OR5D18: variants seen among roughly 807,000 people sequenced by gnomAD.
OR5D18 encodes the protein olfactory receptor 5D18.
For missense variants in OR5D18, 394 were observed against 367.3 expected, an observed-to-expected ratio of 1.07 and a Z score of -0.59; for synonymous variants, 158 against 152.5, an observed-to-expected ratio of 1.04 and a Z score of -0.27.
In OR5D18 at chr11:55,820,054, G is replaced by A. The variant is rs555906509; in HGVS notation, c.425G>A (p.Cys142Tyr). The A allele has an allele frequency of 5.2e-5, 84 of 1,613,902 alleles. No homozygotes were observed. In the South Asian group the frequency reaches 9.2e-4, roughly 18 times the overall value. The change falls in exon 1 of 1, where the codon TGC becomes TAC. Residue 142 changes from cysteine to tyrosine, a missense_variant. Coordinates refer to ENST00000333976, the MANE Select transcript of OR5D18 (RefSeq NM_001001952.1). ...LYTVNMSQKL[C>Y]VLLVVGSYAW... Reference sequence around the variant, plus strand: ...ACAGTTAACATGTCCCAGAAACTCTGCGTGCTGCTGGTTGTGGGATCCTAT... The same window carrying A: ...ACAGTTAACATGTCCCAGAAACTCTACGTGCTGCTGGTTGTGGGATCCTAT...
In OR5D18 at chr11:55,820,315, T is replaced by A. The variant is rs747662308; in HGVS notation, c.686T>A (p.Met229Lys). 3.1e-6 allele frequency: 5 copies of A among 1,613,894 alleles called. No homozygotes were observed. Among genetic ancestry groups the A allele is most frequent in the Non-Finnish European group, 4.2e-6 (5 of 1,180,036 alleles). The change falls in exon 1 of 1, where the codon ATG (methionine) becomes AAG (lysine). Residue 229 changes from methionine (M) to lysine (K), a missense_variant. Physicochemically the swap from Met to Lys is moderately conservative, Grantham distance 95 (BLOSUM62 -1). Coordinates refer to ENST00000333976, the MANE Select transcript of OR5D18 (RefSeq NM_001001952.1). ...TTCATTGTTGTAACCATCCTCAAGA[T>A]GCGTTCAGTCAGTGGGCGCCGCAAA... is the stretch of plus-strand genomic sequence containing the variant. ...YAFIVVTILK[M>K]RSVSGRRKAF... is the part of the protein sequence containing the mutation.
At position 55,819,702 on chromosome 11, in the gene OR5D18, C is replaced by T; in HGVS notation, c.73C>T (p.Gln25Ter). The T allele has an allele frequency of 6.2e-7, 1 of 1,613,550 alleles. No individual in the cohort carries two copies. The highest frequency in any genetic ancestry group is 8.5e-7 in the Non-Finnish European group (1 of 1,179,670). ...GGGCTTCTCAGATTACCCAGAACTG[C>T]AAGTCCCACTCTTCCTGGTTTTTCT... ...LLGFSDYPEL[Q>*]VPLFLVFLAI... Residue 25 changes from glutamine to a stop codon, truncating the protein, a stop_gained, in exon 1 of 1, where the codon CAA becomes TAA. Transcript: ENST00000333976. LOFTEE classifies it low-confidence loss of function (END_TRUNC).
chr11:55,819,657 G>A lies in OR5D18; in HGVS notation c.28G>A (p.Gly10Arg). Residue 10 changes from glycine to arginine, a missense_variant, in exon 1 of 1, where the codon GGG becomes AGG. By Grantham distance (125) the Gly-to-Arg change is moderately radical. Transcript: ENST00000333976. ...GCTGCTGACTGATAGAAATACAAGT[G>A]GGACCACGTTCACCCTCTTGGGCTT... MLLTDRNTS[G>R]TTFTLLGFSD... is the part of the protein sequence containing the mutation. The A allele has an allele frequency of 6.2e-7, 1 of 1,602,352 alleles. No homozygotes were observed.
rs754872954 is a variant in OR5D18 at position 55,820,397 on chromosome 11, C to A, written c.768C>A (p.Ile256=). The change falls in exon 1 of 1, where the codon ATC becomes ATA. Residue 256 remains isoleucine (I), a synonymous_variant. Coordinates refer to ENST00000333976, the MANE Select transcript of OR5D18 (RefSeq NM_001001952.1). The part of the protein sequence containing the change: ...LTAITIFHGT[I]LFLYCVPNSK... ...CCATCACCATCTTCCATGGCACCAT[C>A]CTCTTCCTTTACTGTGTGCCCAACT... 1 of 1,614,004 alleles carries A rather than the reference C, an allele frequency of 6.2e-7. No homozygotes were observed. The highest frequency in any genetic ancestry group is 8.5e-7 in the Non-Finnish European group (1 of 1,180,032).
Position 55,820,510 on chromosome 11 carries a change from G to T in OR5D18, c.881G>T (p.Arg294Ile), listed in dbSNP as rs2134466751. ...TTGAATCCCCTGATCTACAGTCTGA[G>T]AAATAAAGATGTCAAGGATACAGTC... Reference protein sequence around the residue: ...PMLNPLIYSLRNKDVKDTVTE... With the variant: ...PMLNPLIYSLINKDVKDTVTE... Residue 294 changes from arginine (R) to isoleucine (I), a missense_variant, in exon 1 of 1, where the codon AGA (arginine) becomes ATA (isoleucine). By Grantham distance (97) the Arg-to-Ile change is moderately conservative. Coordinates refer to ENST00000333976, the MANE Select transcript of OR5D18 (RefSeq NM_001001952.1). The T allele has an allele frequency of 6.2e-7, 1 of 1,613,658 alleles. No homozygotes were observed. Among genetic ancestry groups the T allele is most frequent in the Non-Finnish European group, 8.5e-7 (1 of 1,179,974 alleles).
chr11:55,819,835 T>G lies in OR5D18; in HGVS notation c.206T>G (p.Phe69Cys), dbSNP rs187358729. Residue 69 changes from phenylalanine (F) to cysteine (C), a missense_variant, in exon 1 of 1, where the codon TTT (phenylalanine) becomes TGT (cysteine). Coordinates refer to ENST00000333976, the MANE Select transcript of OR5D18 (RefSeq NM_001001952.1). ...TACTTTTTCCTCAGCCAACTCTCCT[T>G]TGTGGATTTCTGCTATTCCTCCATC... ...PMYFFLSQLSFVDFCYSSIIA... is the reference protein window; with the variant it reads ...PMYFFLSQLSCVDFCYSSIIA... The G allele has an allele frequency of 6.2e-5, 100 of 1,613,920 alleles. No individual in the cohort carries two copies. In the East Asian group the frequency reaches 2.2e-3, roughly 35 times the overall value.
At position 55,820,104 on chromosome 11, in the gene OR5D18, G is replaced by T; in HGVS notation, c.475G>T (p.Glu159Ter). 2.5e-6 allele frequency: 4 copies of T among 1,613,836 alleles called. No homozygotes were observed. Among genetic ancestry groups the T allele is most frequent in the Non-Finnish European group, 3.4e-6 (4 of 1,180,016 alleles). ...SYAWGVSCSL[E>*]LTCSALKLCF... The stretch of plus-strand genomic sequence containing the variant: ...TGCCTGGGGAGTCTCATGTTCCTTG[G>T]AACTGACGTGCTCTGCTTTAAAGTT... The change falls in exon 1 of 1, where the codon GAA (glutamate) becomes TAA (stop). Residue 159 changes from glutamate (E) to a stop codon, truncating the protein, a stop_gained. Coordinates refer to ENST00000333976, the MANE Select transcript of OR5D18 (RefSeq NM_001001952.1). LOFTEE classifies it low-confidence loss of function (END_TRUNC).
Position 55,820,562 on chromosome 11 carries a change from C to A in OR5D18, c.933C>A (p.Phe311Leu). The A allele has an allele frequency of 6.2e-7, 1 of 1,603,246 alleles. No individual in the cohort carries two copies. Among genetic ancestry groups the A allele is most frequent in the South Asian group, 1.1e-5 (1 of 90,668 alleles). The change falls in exon 1 of 1, where the codon TTC becomes TTA. Residue 311 changes from phenylalanine (F) to leucine (L), a missense_variant. Physicochemically the swap from Phe to Leu is conservative, Grantham distance 22. Coordinates refer to ENST00000333976, the MANE Select transcript of OR5D18 (RefSeq NM_001001952.1). Reference protein sequence around the residue: ...TVTEILDTKVFSY With the variant: ...TVTEILDTKVLSY The stretch of plus-strand genomic sequence containing the variant: ...CCGAGATACTGGACACCAAAGTCTT[C>A]TCTTACTGAGCCTGTTACTTTCATG...
In OR5D18 at chr11:55,820,504, G is replaced by C. The variant is rs752720146; in HGVS notation, c.875G>C (p.Ser292Thr). 3.1e-6 allele frequency: 5 copies of C among 1,613,692 alleles called. No homozygotes were observed. The highest frequency in any genetic ancestry group is 3.4e-6 in the Non-Finnish European group (4 of 1,179,998). Reference protein sequence around the residue: ...VIPMLNPLIYSLRNKDVKDTV... With the variant: ...VIPMLNPLIYTLRNKDVKDTV... ...CCCATGTTGAATCCCCTGATCTACA[G>C]TCTGAGAAATAAAGATGTCAAGGAT... Residue 292 changes from serine to threonine, a missense_variant, in exon 1 of 1, where the codon AGT (serine) becomes ACT (threonine). Ser to Thr is a moderately conservative substitution (Grantham distance 58). Coordinates refer to ENST00000333976, the MANE Select transcript of OR5D18 (RefSeq NM_001001952.1).
rs1360527739 is a variant in OR5D18 at position 55,820,068 on chromosome 11, G to A, written c.439G>A (p.Val147Met). ...CCAGAAACTCTGCGTGCTGCTGGTTGTGGGATCCTATGCCTGGGGAGTCTC... is the reference window on the plus strand; with the variant it reads ...CCAGAAACTCTGCGTGCTGCTGGTTATGGGATCCTATGCCTGGGGAGTCTC... ...MSQKLCVLLV[V>M]GSYAWGVSCS... Residue 147 changes from valine (V) to methionine (M), a missense_variant, in exon 1 of 1, where the codon GTG (valine) becomes ATG (methionine). Val to Met is a conservative substitution (Grantham distance 21, BLOSUM62 1). Transcript: ENST00000333976. 8 of 1,613,958 alleles carry A rather than the reference G, an allele frequency of 5.0e-6. No individual in the cohort carries two copies. Among genetic ancestry groups the A allele is most frequent in the Non-Finnish European group, 6.8e-6 (8 of 1,180,014 alleles).
In OR5D18 at chr11:55,820,373, C is replaced by G; in HGVS notation, c.744C>G (p.Ala248=). The change falls in exon 1 of 1, where the codon GCC becomes GCG. Residue 248 remains alanine, a synonymous_variant. Transcript: ENST00000333976. ...CCACCTGTGCCTCCCACCTGACTGC[C>G]ATCACCATCTTCCATGGCACCATCC... ...AFSTCASHLT[A]ITIFHGTILF... The G allele has an allele frequency of 1.9e-6, 3 of 1,613,978 alleles. No individual in the cohort carries two copies. Among genetic ancestry groups the G allele is most frequent in the Non-Finnish European group, 2.5e-6 (3 of 1,180,020 alleles).
rs758648393 is a variant in OR5D18 at position 55,820,387 on chromosome 11, A to G, written c.758A>G (p.His253Arg). The change falls in exon 1 of 1, where the codon CAT (histidine) becomes CGT (arginine). Residue 253 changes from histidine (H) to arginine (R), a missense_variant. By Grantham distance (29) the His-to-Arg change is conservative. Transcript: ENST00000333976. ...ASHLTAITIF[H>R]GTILFLYCVP... ...CACCTGACTGCCATCACCATCTTCC[A>G]TGGCACCATCCTCTTCCTTTACTGT... 6 of 1,613,830 alleles carry G rather than the reference A, an allele frequency of 3.7e-6. No homozygotes were observed. Among genetic ancestry groups the G allele is most frequent in the African/African-American group, 2.7e-5 (2 of 74,744 alleles).
In OR5D18 at chr11:55,819,833, C is replaced by G; in HGVS notation, c.204C>G (p.Ser68=). ...TGTACTTTTTCCTCAGCCAACTCTC[C>G]TTTGTGGATTTCTGCTATTCCTCCA... is the stretch of plus-strand genomic sequence containing the variant. ...TPMYFFLSQL[S]FVDFCYSSII... Residue 68 remains serine (S), a synonymous_variant, in exon 1 of 1, where the codon TCC becomes TCG. Transcript: ENST00000333976. The G allele has an allele frequency of 6.2e-7, 1 of 1,614,020 alleles. No homozygotes were observed. Among genetic ancestry groups the G allele is most frequent in the Non-Finnish European group, 8.5e-7 (1 of 1,179,986 alleles).
Position 55,819,959 on chromosome 11 carries a change from C to CT in OR5D18, c.330_331insT (p.Thr111TyrfsTer2), listed in dbSNP as rs1853811551. ...TCTTTTTCTTCTGTACCTTTGTGGTCACTGAATCCTTTTTATTAGCTGTGA... is the reference window on the plus strand; with the variant it reads ...TCTTTTTCTTCTGTACCTTTGTGGTCTACTGAATCCTTTTTATTAGCTGTGA... On this transcript the variant is annotated frameshift_variant, in exon 1 of 1. Coordinates refer to ENST00000333976, the MANE Select transcript of OR5D18 (RefSeq NM_001001952.1). LOFTEE classifies it low-confidence loss of function (END_TRUNC). The CT allele has an allele frequency of 6.2e-7, 1 of 1,613,746 alleles. No individual in the cohort carries two copies. Among genetic ancestry groups the CT allele is most frequent in the Non-Finnish European group, 8.5e-7 (1 of 1,179,966 alleles).
Position 55,820,034 on chromosome 11 carries a change from T to C in OR5D18, c.405T>C (p.Val135=). ...TTTGCAACCCTCTGCTCTACACAGT[T>C]AACATGTCCCAGAAACTCTGCGTGC... ...VAICNPLLYT[V]NMSQKLCVLL... is the part of the protein sequence containing the mutation. Residue 135 remains valine, a synonymous_variant, in exon 1 of 1, where the codon GTT becomes GTC. Transcript: ENST00000333976. 1 of 1,613,978 alleles carries C rather than the reference T, an allele frequency of 6.2e-7. No individual in the cohort carries two copies. The highest frequency in any genetic ancestry group is 8.5e-7 in the Non-Finnish European group (1 of 1,180,028).
Position 55,819,659 on chromosome 11 carries a change from G to T in OR5D18, c.30G>T (p.Gly10=). Residue 10 remains glycine, a synonymous_variant, in exon 1 of 1, where the codon GGG becomes GGT. Transcript: ENST00000333976. Reference sequence around the variant, plus strand: ...TGCTGACTGATAGAAATACAAGTGGGACCACGTTCACCCTCTTGGGCTTCT... The same window carrying T: ...TGCTGACTGATAGAAATACAAGTGGTACCACGTTCACCCTCTTGGGCTTCT... MLLTDRNTS[G]TTFTLLGFSD... The T allele has an allele frequency of 1.2e-6, 2 of 1,604,888 alleles. No homozygotes were observed. Among genetic ancestry groups the T allele is most frequent in the Non-Finnish European group, 1.7e-6 (2 of 1,175,376 alleles).
At position 55,819,873 on chromosome 11, in the gene OR5D18, A is replaced by T. The variant is rs1853809242; in HGVS notation, c.244A>T (p.Met82Leu). The T allele has an allele frequency of 1.2e-6, 2 of 1,613,888 alleles. No homozygotes were observed. The highest frequency in any genetic ancestry group is 1.7e-6 in the Non-Finnish European group (2 of 1,179,998). ...CTATTCCTCCATCATTGCTCCCAAGATGTTGGTGAACCTTGTTGTCAAAGA... is the reference window on the plus strand; with the variant it reads ...CTATTCCTCCATCATTGCTCCCAAGTTGTTGGTGAACCTTGTTGTCAAAGA... ...FCYSSIIAPK[M>L]LVNLVVKDRT... The change falls in exon 1 of 1, where the codon ATG (methionine) becomes TTG (leucine). Residue 82 changes from methionine (M) to leucine (L), a missense_variant. Physicochemically the swap from Met to Leu is conservative, Grantham distance 15. Coordinates refer to ENST00000333976, the MANE Select transcript of OR5D18 (RefSeq NM_001001952.1).
chr11:55,820,317 C>A lies in OR5D18; in HGVS notation c.688C>A (p.Arg230Ser), dbSNP rs143615376. The change falls in exon 1 of 1, where the codon CGT (arginine) becomes AGT (serine). Residue 230 changes from arginine to serine, a missense_variant. Coordinates refer to ENST00000333976, the MANE Select transcript of OR5D18 (RefSeq NM_001001952.1). ...AFIVVTILKM[R>S]SVSGRRKAFS... ...CATTGTTGTAACCATCCTCAAGATG[C>A]GTTCAGTCAGTGGGCGCCGCAAAGC... is the stretch of plus-strand genomic sequence containing the variant. 13 of 1,613,884 alleles carry A rather than the reference C, an allele frequency of 8.1e-6. No homozygotes were observed. Among genetic ancestry groups the A allele is most frequent in the South Asian group, 1.1e-5 (1 of 91,058 alleles).
chr11:55,820,400 C>T lies in OR5D18; in HGVS notation c.771C>T (p.Leu257=). ...TCACCATCTTCCATGGCACCATCCT[C>T]TTCCTTTACTGTGTGCCCAACTCCA... The part of the protein sequence containing the change: ...TAITIFHGTI[L]FLYCVPNSKN... The change falls in exon 1 of 1, where the codon CTC becomes CTT. Residue 257 remains leucine, a synonymous_variant. Transcript: ENST00000333976. 1.2e-6 allele frequency: 2 copies of T among 1,614,028 alleles called. No homozygotes were observed. The highest frequency in any genetic ancestry group is 1.7e-6 in the Non-Finnish European group (2 of 1,180,034).
Sources: allele counts gnomAD v4.1 joint callset, GRCh38; gene constraint gnomAD v4.1.1; transcripts MANE v1.5; gene names NCBI Gene and HGNC (gene_info 2026-07-23, HGNC 2026-07-21).